The following PPP1R13B variants were observed in gnomAD, a reference collection of about 807,000 sequenced individuals.
PPP1R13B encodes apoptosis-stimulating of p53 protein 1.
Under a neutral mutation model 119.8 loss-of-function variants are expected in PPP1R13B, and 44 were observed. That is an observed-to-expected ratio of 0.37 (90% CI 0.29 to 0.47). The LOEUF is 0.47. PPP1R13B is among the 20% of genes least tolerant of loss of function. PPP1R13B has a pLI of 0.99. For missense variants in PPP1R13B, 1,227 were observed against 1,413.5 expected (o/e 0.87, Z 2.12); for synonymous variants, 542 against 561.5 (o/e 0.97, Z 0.49).
chr14:103,804,050 C>G, intron 1 of PPP1R13B: 1 of 984,690 alleles, frequency 1.0e-6, no homozygotes, highest in African/African-American at 1.7e-5. Context: ...GACTCATTAC[C>G]TGGTCTTGAA....
At chr14:103,757,963 C>T (rs1319569200) in intron 4 of PPP1R13B, among the ~76,000 whole-genome samples, 1 of 152,106 alleles carries the variant, frequency 6.6e-6, no homozygotes, top group Non-Finnish European at 1.5e-5. Flanking sequence ...ACATCAGATA[C>T]CGTATTTAGT....
intron 1 of PPP1R13B, among the ~76,000 whole-genome samples, chr14:103,833,583 C>T (rs2086707054): frequency 6.6e-6 from 1 of 152,124 alleles, no homozygotes; most frequent in Non-Finnish European, 1.5e-5. Context: ...GCGGAGGTTA[C>T]AGTGAGACAA....
At chr14:103,739,680 G>A in intron 12 of PPP1R13B, 144 bp downstream of exon 12, 1 of 1,011,096 alleles carries the variant, frequency 9.9e-7, no homozygotes, top group Non-Finnish European at 1.4e-6. Context: ...CTGTGTGACT[G>A]TCCGTCCTCC....
chr14:103,837,735 C>T (rs1159028859), intron 1 of PPP1R13B, among the ~76,000 whole-genome samples: 2 of 152,192 alleles, frequency 1.3e-5, no homozygotes, highest in Non-Finnish European at 2.9e-5. Flanking sequence ...TCCCTTACTG[C>T]ACCAACTATC....
At chr14:103,787,358 G>C (rs1322805856) in intron 2 of PPP1R13B, among the ~76,000 whole-genome samples, 1 of 151,980 alleles carries the variant, frequency 6.6e-6, no homozygotes, top group East Asian at 2.0e-4. Context: ...CTGAGGCAGA[G>C]AACTGCTTGA....
At chr14:103,781,012 GA>G (rs2085324813) in intron 3 of PPP1R13B, among the ~76,000 whole-genome samples, 2 of 152,088 alleles carry the variant, frequency 1.3e-5, no homozygotes, top group Admixed American at 1.3e-4. Context: ...ATGAAAGAGA[GA>G]GTGAATGTAC....
At chr14:103,756,080 T>C (rs962484187) in intron 5 of PPP1R13B, among the ~76,000 whole-genome samples, 2 of 152,036 alleles carry the variant, frequency 1.3e-5, no homozygotes, top group Non-Finnish European at 2.9e-5. Context: ...TAAAGCCAGT[T>C]TGGAATTTTT....
At chr14:103,823,985 T>C (rs1244741345) in intron 1 of PPP1R13B, among the ~76,000 whole-genome samples, 1 of 151,918 alleles carries the variant, frequency 6.6e-6, no homozygotes, top group Non-Finnish European at 1.5e-5. Context: ...AAGTAGAATG[T>C]TAGTTTTCCA....
intron 3 of PPP1R13B, among the ~76,000 whole-genome samples, chr14:103,780,409 C>T (rs925802784): frequency 6.9e-6 from 1 of 145,384 alleles, no homozygotes; most frequent in African/African-American, 2.6e-5. Flanking sequence ...ATCACTTGAG[C>T]CCAGGAGGCA....
intron 4 of PPP1R13B, among the ~76,000 whole-genome samples, chr14:103,770,387 T>C (rs1444203519): frequency 1.3e-5 from 2 of 152,056 alleles, no homozygotes; most frequent in Admixed American, 6.6e-5. Context: ...TGGTGGCGCA[T>C]GCCTGTAGTC....
At chr14:103,809,454 A>C (rs1290375611) in intron 1 of PPP1R13B, among the ~76,000 whole-genome samples, 1 of 152,138 alleles carries the variant, frequency 6.6e-6, no homozygotes, top group Non-Finnish European at 1.5e-5. Flanking sequence ...CATAATACCA[A>C]GATGTGTCAT....
chr14:103,821,276 A>G (rs1231935893), intron 1 of PPP1R13B, among the ~76,000 whole-genome samples: 1 of 152,218 alleles, frequency 6.6e-6, no homozygotes, highest in Non-Finnish European at 1.5e-5. Flanking sequence ...CAACAGCACG[A>G]CATACCATAT....
At chr14:103,778,844 C>T (rs1196372993) in intron 3 of PPP1R13B, 23 bp from the exon 4 acceptor site, 16 of 1,591,662 alleles carry the variant, frequency 1.0e-5, no homozygotes, top group African/African-American at 1.3e-5. Flanking sequence ...AAGAACCAAA[C>T]TCACCAAAAG....
chr14:103,752,228 T>C (rs1331919718), intron 7 of PPP1R13B, among the ~76,000 whole-genome samples: 1 of 152,204 alleles, frequency 6.6e-6, no homozygotes, highest in African/African-American at 2.4e-5. Flanking sequence ...CTCAGGAAGT[T>C]TCAGATTTGA....
intron 5 of PPP1R13B, among the ~76,000 whole-genome samples, chr14:103,755,688 T>G (rs1177730521): frequency 6.6e-6 from 1 of 152,220 alleles, no homozygotes; most frequent in African/African-American, 2.4e-5. Context: ...TGATTCACAT[T>G]ACTGAAAATA....
At chr14:103,787,643 T>C (rs1184521615) in intron 2 of PPP1R13B, among the ~76,000 whole-genome samples, 1 of 146,854 alleles carries the variant, frequency 6.8e-6, no homozygotes, top group Non-Finnish European at 1.5e-5. Flanking sequence ...TGAGACTTAA[T>C]TGCTACATTT....
At position 103,734,699 on chromosome 14, in the gene PPP1R13B, A is replaced by G. The variant is rs2151956451; in HGVS notation, c.*455T>C. Reference sequence around the variant, plus strand: ...GAAGGGAAGAAGGATCATGTGTGGGAAGTGTGAGAAAGGATGAGTGTCCGA... The same window carrying G: ...GAAGGGAAGAAGGATCATGTGTGGGGAGTGTGAGAAAGGATGAGTGTCCGA... On this transcript the variant is annotated 3_prime_UTR_variant, in exon 17 of 17. Transcript: ENST00000202556. The G allele has an allele frequency of 2.2e-6, 1 of 457,798 alleles. No individual in the cohort carries two copies. Among genetic ancestry groups the G allele is most frequent in the Non-Finnish European group, 4.4e-6 (1 of 227,692 alleles). 28.4% of individuals were successfully genotyped at this position (457,798 alleles called of 1,614,324 possible). A position where few individuals can be genotyped will look rare whatever the true frequency, so the allele number is the denominator to read the frequency against.
chr14:103,819,782 T>C (rs2086364582), intron 1 of PPP1R13B, among the ~76,000 whole-genome samples: 1 of 152,124 alleles, frequency 6.6e-6, no homozygotes, highest in Non-Finnish European at 1.5e-5. Flanking sequence ...GTTGTTAGGC[T>C]ATCCCTCCAG....
chr14:103,736,635 G>T, intron 15 of PPP1R13B: 1 of 167,790 alleles, frequency 6.0e-6, no homozygotes, highest in South Asian at 1.6e-4. Context: ...GCCCTTCTGT[G>T]GGACACTCTG....
Sources: gnomAD v4.1 joint callset for allele counts (sites outside exome capture counted in the v4.1 genomes callset) on GRCh38, gnomAD v4.1.1 for gene constraint, MANE v1.5 for transcripts, NCBI Gene and HGNC (gene_info 2026-07-23, HGNC 2026-07-21) for gene names.